The following NDUFAF5 variants were observed in gnomAD, a reference collection of about 807,000 sequenced individuals.
NDUFAF5 encodes arginine-hydroxylase NDUFAF5, mitochondrial.
A neutral mutation model predicts 48.9 loss-of-function variants in NDUFAF5; 34 were observed. The observed-to-expected ratio is 0.70, with a 90% CI of 0.53 to 0.93. The LOEUF is 0.93. NDUFAF5 is among the 40% of genes least tolerant of loss of function. The pLI, the probability that NDUFAF5 is intolerant of heterozygous loss-of-function variation, is 0.00. For synonymous variants in NDUFAF5, 153 were observed against 150.6 expected (o/e 1.02, Z -0.12); for missense variants, 428 against 427.5 (o/e 1.00, Z -0.01).
At chr20:13,797,049 A>C (rs765897256) in intron 5 of NDUFAF5, among the ~76,000 whole-genome samples, 14 of 152,204 alleles carry the variant, frequency 9.2e-5, no homozygotes, top group Non-Finnish European at 1.5e-4. Context: ...TTATCACCTT[A>C]AAAAATGGAT....
rs1461618665 is a variant in NDUFAF5 at position 13,819,881 on chromosome 20, C to G, written c.*2671C>G. On this transcript the variant is annotated 3_prime_UTR_variant, in exon 11 of 11. Coordinates refer to ENST00000378106, the MANE Select transcript of NDUFAF5 (RefSeq NM_024120.5). ...TTTAGCTATAAGATTAGAATTCATA[C>G]TGAAAGATTTCTAGGACTTTTGTAT... 6.6e-6 allele frequency: 1 copy of G among 152,154 alleles called. No homozygotes were observed. The highest frequency in any genetic ancestry group is 2.4e-5 in the African/African-American group (1 of 41,430). The allele number at this position is 152,154 out of a possible 1,614,324, so 9.4% of individuals were successfully genotyped here.
In NDUFAF5 at chr20:13,817,200, A is replaced by C; in HGVS notation, c.1028A>C (p.Lys343Thr). The C allele has an allele frequency of 6.2e-7, 1 of 1,611,366 alleles. No individual in the cohort carries two copies. Among genetic ancestry groups the C allele is most frequent in the South Asian group, 1.1e-5 (1 of 91,002 alleles). Residue 343 changes from lysine (K) to threonine (T), a missense_variant, in exon 11 of 11, where the codon AAA becomes ACA. By Grantham distance (78) the Lys-to-Thr change is moderately conservative. Transcript: ENST00000378106. ...KINNLMPPGK[K>T]SQ ...AACAACCTTATGCCACCGGGGAAAA[A>C]ATCACAATAAATATTTATTCAGTGT...
intron 4 of NDUFAF5, among the ~76,000 whole-genome samples, chr20:13,794,153 C>T (rs1278847519): frequency 6.6e-6 from 1 of 152,118 alleles, no homozygotes; most frequent in South Asian, 2.1e-4. Flanking sequence ...ATATATCAGT[C>T]TTTTCCTTTA....
At chr20:13,792,673 G>A (rs965626937) in intron 3 of NDUFAF5, among the ~76,000 whole-genome samples, 1 of 152,160 alleles carries the variant, frequency 6.6e-6, no homozygotes, top group Non-Finnish European at 1.5e-5. Context: ...GCAGGATCCC[G>A]GAGAAAAGAG....
At chr20:13,797,618 T>A (rs1205811510) in intron 5 of NDUFAF5, among the ~76,000 whole-genome samples, 1 of 152,164 alleles carries the variant, frequency 6.6e-6, no homozygotes, top group Non-Finnish European at 1.5e-5. Flanking sequence ...AGAGGATTTT[T>A]AGGGCAGTAA....
intron 4 of NDUFAF5, among the ~76,000 whole-genome samples, chr20:13,794,318 T>C (rs547727485): frequency 6.6e-6 from 1 of 152,202 alleles, no homozygotes; most frequent in South Asian, 2.1e-4. Context: ...CTTGCACTGT[T>C]GTCCAGGCTG....
chr20:13,808,816 G>T (rs994814163), intron 7 of NDUFAF5, 26 bp from the exon 8 acceptor site: 1 of 1,451,974 alleles, frequency 6.9e-7, no homozygotes, highest in South Asian at 1.1e-5. Context: ...AATGTCAAAT[G>T]AATATTTCTT....
chr20:13,786,058 C>T (rs936490051), intron 1 of NDUFAF5, among the ~76,000 whole-genome samples: 2 of 152,116 alleles, frequency 1.3e-5, no homozygotes, highest in African/African-American at 2.4e-5. Context: ...TGTCTTGGCT[C>T]GTTTGAGAAA....
intron 1 of NDUFAF5, 21 bp downstream of exon 1, chr20:13,785,311 G>A (rs1980815401): frequency 6.3e-7 from 1 of 1,575,750 alleles, no homozygotes. Context: ...GGGGCGGCGG[G>A]GCGGCGGGGC....
chr20:13,811,795 G>T lies in NDUFAF5; in HGVS notation c.778+2893G>T, dbSNP rs184920625. Among the ~76,000 whole-genome samples the T allele has an allele frequency of 5.9e-5, 9 of 152,288 alleles. No individual in the cohort carries two copies. In the East Asian group the frequency reaches 1.7e-3, roughly 29 times the overall value. ...TGCGTCCTTTGTGGGAATTTGTGAG[G>T]TGGTTCTTTTATATATATAGACTGA... On this transcript the variant is annotated intron_variant, in intron 8 of 10. Transcript: ENST00000378106.
At chr20:13,812,264 C>T (rs924783161) in intron 8 of NDUFAF5, among the ~76,000 whole-genome samples, 3 of 152,126 alleles carry the variant, frequency 2.0e-5, no homozygotes, top group Admixed American at 6.5e-5. Context: ...TTACCATTGT[C>T]ATCAGTTTTC....
rs1187126465 is a variant in NDUFAF5, at chr20:13,787,446, C to A, written c.263+94C>A. 6.0e-6 allele frequency: 7 copies of A among 1,175,762 alleles called. No individual in the cohort carries two copies. In the African/African-American group the frequency reaches 6.1e-5, roughly 10 times the overall value. 72.8% of individuals were successfully genotyped at this position (1,175,762 alleles called of 1,614,324 possible). ...GAACTTGCTATCTGAAATGGCAGAACCTGGAAGAATTTACTCAGACTGGTG... is the reference window on the plus strand; with the variant it reads ...GAACTTGCTATCTGAAATGGCAGAAACTGGAAGAATTTACTCAGACTGGTG... On this transcript the variant is annotated intron_variant, in intron 2 of 10. Coordinates refer to ENST00000378106, the MANE Select transcript of NDUFAF5 (RefSeq NM_024120.5).
chr20:13,812,846 G>A (rs1986038078), intron 8 of NDUFAF5: 1 of 152,188 alleles, frequency 6.6e-6, no homozygotes, highest in Admixed American at 6.5e-5. Flanking sequence ...ACAGCTGCTT[G>A]TATTTTAACC....
chr20:13,785,198 C>T lies in NDUFAF5; in HGVS notation c.130C>T (p.Leu44=), dbSNP rs768309175. Reference sequence around the variant, plus strand: ...CCGCGGTAGCACCTCGCCCAGAACCCTGAATATTTTCGACCGGGATTTGAA... The same window carrying T: ...CCGCGGTAGCACCTCGCCCAGAACCTTGAATATTTTCGACCGGGATTTGAA... ...SPRGSTSPRT[L]NIFDRDLKRK... is the part of the protein sequence containing the mutation. The change falls in exon 1 of 11, where the codon CTG becomes TTG. Residue 44 remains leucine, a synonymous_variant. Coordinates refer to ENST00000378106, the MANE Select transcript of NDUFAF5 (RefSeq NM_024120.5). The T allele has an allele frequency of 1.4e-5, 22 of 1,613,754 alleles. 1 individual carries two copies. The highest frequency in any genetic ancestry group is 1.9e-5 in the Non-Finnish European group (22 of 1,179,908).
rs1375054303 is a variant in NDUFAF5, at chr20:13,801,769, T to C, written c.717+86T>C. On this transcript the variant is annotated intron_variant, in intron 7 of 10. Coordinates refer to ENST00000378106, the MANE Select transcript of NDUFAF5 (RefSeq NM_024120.5). ...TTTAAAGATAGAAAACTGTATGTGT[T>C]CATGGTTTCATGGCACTCTTTCTCT... is the stretch of plus-strand genomic sequence containing the variant. The C allele has an allele frequency of 6.5e-6, 7 of 1,085,198 alleles. No homozygotes were observed. In the East Asian group the frequency reaches 1.7e-4, roughly 26 times the overall value. 67.2% of individuals were successfully genotyped at this position (1,085,198 alleles called of 1,614,324 possible). A position where few individuals can be genotyped will look rare whatever the true frequency, so the allele number is the denominator to read the frequency against.
intron 8 of NDUFAF5, chr20:13,814,595 C>A: frequency 2.9e-6 from 2 of 689,248 alleles, no homozygotes; most frequent in Non-Finnish European, 4.5e-6. Flanking sequence ...TTTTGATAAG[C>A]AGTTGAACTT....
intron 4 of NDUFAF5, 97 bp from the exon 5 acceptor site, chr20:13,794,741 A>G: frequency 1.2e-6 from 1 of 839,154 alleles, no homozygotes; most frequent in Non-Finnish European, 2.0e-6. Flanking sequence ...ACTGCCAAGT[A>G]AATATAACAT....
chr20:13,805,856 C>T (rs1006207070), intron 7 of NDUFAF5, among the ~76,000 whole-genome samples: 5 of 151,886 alleles, frequency 3.3e-5, no homozygotes, highest in Non-Finnish European at 4.4e-5. Flanking sequence ...GAGCCTGGGA[C>T]GTTGAGGCTG....
Position 13,818,355 on chromosome 20 carries a change from A to G in NDUFAF5, c.*1145A>G, listed in dbSNP as rs1460445431. 4 of 386,310 alleles carry G rather than the reference A, an allele frequency of 1.0e-5. No homozygotes were observed. Among genetic ancestry groups the G allele is most frequent in the East Asian group, 1.4e-4 (2 of 13,818 alleles). 23.9% of individuals were successfully genotyped at this position (386,310 alleles called of 1,614,324 possible). On this transcript the variant is annotated 3_prime_UTR_variant, in exon 11 of 11. Coordinates refer to ENST00000378106, the MANE Select transcript of NDUFAF5 (RefSeq NM_024120.5). ...TTCCCTTCAGTTTGAAAAATCATCG[A>G]TATTTGAAACTGGGATACGCTTGGT...
Sources: allele counts gnomAD v4.1 joint callset (sites outside exome capture counted in the v4.1 genomes callset), GRCh38; gene constraint gnomAD v4.1.1; transcripts MANE v1.5; gene names NCBI Gene and HGNC (gene_info 2026-07-23, HGNC 2026-07-21).